The following SLC5A6 variants were observed in gnomAD, a reference collection of about 807,000 sequenced individuals.
SLC5A6 encodes the protein solute carrier family 5 member 6.
Under a neutral mutation model 67.9 loss-of-function variants are expected in SLC5A6, and 31 were observed. That is an observed-to-expected ratio of 0.46 (90% CI 0.34 to 0.62). The LOEUF (loss-of-function observed/expected upper bound fraction) is 0.62, where lower values mean the gene tolerates loss of function less well. Among genes scored for constraint, SLC5A6 ranks in the 20% least tolerant of loss-of-function variants. SLC5A6 has a pLI of 0.01. For missense variants in SLC5A6, 673 were observed against 812.8 expected (o/e 0.83, Z 2.09); for synonymous variants, 343 against 331.0 (o/e 1.04, Z -0.39).
chr2:27,201,143 G>A, intron 15 of SLC5A6, 30 bp from the exon 16 acceptor site: 5 of 1,546,984 alleles, frequency 3.2e-6, no homozygotes, highest in Non-Finnish European at 4.4e-6. Flanking sequence ...TGAGTCTCTG[G>A]GTGGAACCAT....
intron 16 of SLC5A6, 108 bp from the exon 17 acceptor site, chr2:27,200,687 G>A: frequency 8.6e-7 from 1 of 1,169,252 alleles, no homozygotes; most frequent in Admixed American, 2.3e-5. Flanking sequence ...GCAAGGCTGG[G>A]TTCGGGAGGG....
chr2:27,208,328 GCGT>G (rs1267870131), intron 2 of SLC5A6: 1 of 152,430 alleles, frequency 6.6e-6, no homozygotes, highest in Admixed American at 6.5e-5. Context: ...TCCATTTCAG[GCGT>G]CCCCAGGCCA....
chr2:27,206,644 A>G, intron 4 of SLC5A6, 110 bp from the exon 5 acceptor site: 1 of 1,071,256 alleles, frequency 9.3e-7, no homozygotes, highest in Non-Finnish European at 1.4e-6. Flanking sequence ...ACCTAGGCTC[A>G]CTTCCCTCTT....
chr2:27,201,729 G>A lies in SLC5A6; in HGVS notation c.1481C>T (p.Ser494Phe), dbSNP rs768225616. Residue 494 changes from serine (S) to phenylalanine (F), a missense_variant, in exon 14 of 17, where the codon TCC becomes TTC. Coordinates refer to ENST00000310574, the MANE Select transcript of SLC5A6 (RefSeq NM_021095.4). ...PPSPSNGSSF[S>F]LPTNLTVATV... The stretch of plus-strand genomic sequence containing the variant: ...GGCAACGGTTAGATTGGTGGGCAGG[G>A]AGAAGCTGGACCCATTAGAGGGAGA... The A allele has an allele frequency of 3.7e-6, 6 of 1,614,090 alleles. No individual in the cohort carries two copies. The highest frequency in any genetic ancestry group is 1.1e-5 in the South Asian group (1 of 91,088).
At position 27,207,531 on chromosome 2, in the gene SLC5A6, AAG is replaced by A. The variant is rs1186782672; in HGVS notation, c.118_119del (p.Leu40CysfsTer18). The A allele has an allele frequency of 6.2e-7, 1 of 1,614,114 alleles. No individual in the cohort carries two copies. The highest frequency in any genetic ancestry group is 8.5e-7 in the Non-Finnish European group (1 of 1,180,056). Reference sequence around the variant, plus strand: ...GACAAGCATGGTAGAGCCCAATGGCAAGAGAGAGAACCAGCAGCAGGACGAAC... The same window carrying A: ...GACAAGCATGGTAGAGCCCAATGGCAAGAGAGAACCAGCAGCAGGACGAAC... ...VVFVLLLVLS[L>X]AIGLYHACRG... On this transcript the variant is annotated frameshift_variant, in exon 3 of 17. Transcript: ENST00000310574. LOFTEE classifies it high-confidence loss of function. This position sits in a 1 kb window ranked among gnomAD's most constrained non-coding sequence, Gnocchi z 5.5.
In SLC5A6 at chr2:27,203,222, C is replaced by T. The variant is rs768960947; in HGVS notation, c.1207+11G>A. ...GACCCAGACTGAAGAGATGAGGAAGCATAACCCCACCAAGGCCTCTGGAAA... is the reference window on the plus strand; with the variant it reads ...GACCCAGACTGAAGAGATGAGGAAGTATAACCCCACCAAGGCCTCTGGAAA... On this transcript the variant is annotated intron_variant, in intron 11 of 16. Coordinates refer to ENST00000310574, the MANE Select transcript of SLC5A6 (RefSeq NM_021095.4). 5 of 1,613,970 alleles carry T rather than the reference C, an allele frequency of 3.1e-6. No individual in the cohort carries two copies. The highest frequency in any genetic ancestry group is 4.2e-6 in the Non-Finnish European group (5 of 1,179,998).
chr2:27,206,132 G>C (rs373919091), intron 5 of SLC5A6, 39 bp from the exon 6 acceptor site: 2 of 1,584,008 alleles, frequency 1.3e-6, no homozygotes, highest in African/African-American at 2.7e-5. Context: ...CCTGGAAAAG[G>C]GTTCCCCAGG....
chr2:27,201,581 G>A (rs1673636930), intron 14 of SLC5A6, 85 bp downstream of exon 14: 3 of 1,420,866 alleles, frequency 2.1e-6, no homozygotes, highest in South Asian at 1.2e-5. Flanking sequence ...TGGGGCCTCT[G>A]GTGGCCCATC....
rs749989118 is a variant in SLC5A6, at chr2:27,201,019, G to A, written c.1743C>T (p.Leu581=). The A allele has an allele frequency of 2.5e-6, 4 of 1,612,952 alleles. No homozygotes were observed. In the Admixed American group the frequency reaches 5.0e-5, roughly 20 times the overall value. Residue 581 remains leucine (L), a synonymous_variant, in exon 16 of 17, where the codon CTC becomes CTT. Coordinates refer to ENST00000310574, the MANE Select transcript of SLC5A6 (RefSeq NM_021095.4). ...SLLPLSCQKR[L]HCRSYGQDHL... ...CTACCTGGCCGTAGCTCCTGCAGTG[G>A]AGCCGCTTCTGACAGGACAACGGAA...
Position 27,206,473 on chromosome 2 carries a change from G to T in SLC5A6, c.511+10C>A. On this transcript the variant is annotated intron_variant, in intron 5 of 16. Coordinates refer to ENST00000310574, the MANE Select transcript of SLC5A6 (RefSeq NM_021095.4). ...CACGGCTGAAAGCCAGGGGCTGTGT[G>T]ACTCCTCACCTGCATTGAGAGCCAA... The T allele has an allele frequency of 6.2e-7, 1 of 1,613,708 alleles. No homozygotes were observed. The highest frequency in any genetic ancestry group is 1.1e-5 in the South Asian group (1 of 91,060).
Position 27,212,008 on chromosome 2 carries a change from C to CG in SLC5A6, c.-208+11dup. 1.5e-6 allele frequency: 1 copy of CG among 666,050 alleles called. No homozygotes were observed. The highest frequency in any genetic ancestry group is 2.3e-6 in the Non-Finnish European group (1 of 430,222). The allele number at this position is 666,050 out of a possible 1,614,324, so 41.3% of individuals were successfully genotyped here. A position where few individuals can be genotyped will look rare whatever the true frequency, so the allele number is the denominator to read the frequency against. On this transcript the variant is annotated intron_variant, in intron 1 of 16. Transcript: ENST00000310574. ...CCCCTGCCCGCCCCGCTCGCCGTGC[C>CG]GCCATGTTTACTGAGGGCGGATGGA... is the stretch of plus-strand genomic sequence containing the variant.
intron 10 of SLC5A6, 81 bp downstream of exon 10, chr2:27,203,694 CCACT>C (rs779812745): frequency 1.2e-5 from 12 of 1,000,668 alleles, no homozygotes; most frequent in Admixed American, 3.5e-5. Flanking sequence ...GATTCCCCAC[CCACT>C]ATCACCCCGC....
Position 27,207,289 on chromosome 2 carries a change from A to T in SLC5A6, c.362T>A (p.Phe121Tyr). The change falls in exon 3 of 17, where the codon TTC becomes TAC. Residue 121 changes from phenylalanine to tyrosine, a missense_variant. Transcript: ENST00000310574. The surrounding 1 kb of genome is among the most constrained non-coding windows in gnomAD (Gnocchi z 5.5). ...GGCACTGGTGAGATGCAGGCGGTAG[A>T]AAACGGGGATGAAGATGTGTGCAGG... ...LIPAHIFIPV[F>Y]YRLHLTSAYE... The T allele has an allele frequency of 6.2e-7, 1 of 1,614,012 alleles. No homozygotes were observed. Among genetic ancestry groups the T allele is most frequent in the Non-Finnish European group, 8.5e-7 (1 of 1,180,028 alleles).
chr2:27,202,671 C>T (rs1673745564), intron 12 of SLC5A6, 142 bp downstream of exon 12: 5 of 785,990 alleles, frequency 6.4e-6, no homozygotes, highest in South Asian at 4.2e-5. Flanking sequence ...AGTCTGTTCA[C>T]AGTAAAGACG....
intron 2 of SLC5A6, among the ~76,000 whole-genome samples, chr2:27,208,007 G>A (rs573005169): frequency 2.0e-5 from 3 of 152,306 alleles, no homozygotes; most frequent in African/African-American, 7.2e-5. Flanking sequence ...CAGGACCTTT[G>A]AGTATGCACA....
In SLC5A6 at chr2:27,207,016, T is replaced by C; in HGVS notation, c.394-74A>G. The C allele has an allele frequency of 7.5e-7, 1 of 1,330,990 alleles. No homozygotes were observed. The highest frequency in any genetic ancestry group is 1.1e-6 in the Non-Finnish European group (1 of 922,280). The allele number at this position is 1,330,990 out of a possible 1,614,324, so 82.4% of individuals were successfully genotyped here. On this transcript the variant is annotated intron_variant, in intron 3 of 16. Coordinates refer to ENST00000310574, the MANE Select transcript of SLC5A6 (RefSeq NM_021095.4). The surrounding 1 kb of genome is among the most constrained non-coding windows in gnomAD (Gnocchi z 5.5). ...TCACAGACAAATTCCCTCAAGATGC[T>C]CAGGAACATGAGGGAATATCCAACC...
At chr2:27,206,153 T>G in intron 5 of SLC5A6, 60 bp from the exon 6 acceptor site, 1 of 1,437,358 alleles carries the variant, frequency 7.0e-7, no homozygotes, top group East Asian at 2.3e-5. Flanking sequence ...GGAGAAGCCC[T>G]GGTAGGGCAA....
rs779288931 is a variant in SLC5A6 at position 27,207,661 on chromosome 2, T to C, written c.-11A>G. ...CACCCCTACACTCATATCCTCACTG[T>C]GTCTGTGATCTGCAGCCAGTTGCTG... On this transcript the variant is annotated 5_prime_UTR_variant, in exon 3 of 17. Transcript: ENST00000310574. This position sits in a 1 kb window ranked among gnomAD's most constrained non-coding sequence, Gnocchi z 5.5. 10 of 1,601,810 alleles carry C rather than the reference T, an allele frequency of 6.2e-6. No individual in the cohort carries two copies. In the African/African-American group the frequency reaches 1.3e-4, roughly 21 times the overall value.
chr2:27,206,611 C>T, intron 4 of SLC5A6, 77 bp from the exon 5 acceptor site: 1 of 1,345,520 alleles, frequency 7.4e-7, no homozygotes, highest in South Asian at 1.2e-5. Flanking sequence ...GCCTCAGCGC[C>T]AATATGCCCA....
Sources: gnomAD v4.1 joint callset for allele counts (sites outside exome capture counted in the v4.1 genomes callset) on GRCh38, gnomAD v4.1.1 for gene constraint, Gnocchi (gnomAD v3.1) non-coding constraint, MANE v1.5 for transcripts, NCBI Gene and HGNC (gene_info 2026-07-23, HGNC 2026-07-21) for gene names.